TRPC4: variants seen among roughly 807,000 people sequenced by gnomAD.
The protein encoded by TRPC4 is transient receptor potential cation channel subfamily C member 4, also known as short transient receptor potential channel 4.
Under a neutral mutation model 99.4 loss-of-function variants are expected in TRPC4, and 49 were observed. The observed-to-expected ratio is 0.49, with a 90% CI of 0.39 to 0.63. TRPC4 has a LOEUF of 0.63. Ranked by LOEUF, TRPC4 falls within the 20% of genes least tolerant of loss-of-function variation. The pLI is 0.00. For missense variants in TRPC4, 898 were observed against 1,152.9 expected, an observed-to-expected ratio of 0.78 and a Z score of 3.20; for synonymous variants, 454 against 425.9, an observed-to-expected ratio of 1.07 and a Z score of -0.81.
intron 1 of TRPC4, among the ~76,000 whole-genome samples, chr13:37,830,655 T>C (rs868736569): frequency 1.3e-4 from 19 of 151,158 alleles, no homozygotes; most frequent in South Asian, 6.3e-4. Context: ...GAGGTGGCAG[T>C]GAGCCGAGAT....
At chr13:37,856,528 A>G (rs902844756) in intron 1 of TRPC4, among the ~76,000 whole-genome samples, 24 of 151,762 alleles carry the variant, frequency 1.6e-4, no homozygotes, top group African/African-American at 5.8e-4. Context: ...AACTCATTCT[A>G]CAAGGCTAGT....
chr13:37,694,555 T>TA (rs544137884), intron 3 of TRPC4, among the ~76,000 whole-genome samples: 100 of 152,080 alleles, frequency 6.6e-4, no homozygotes, highest in Middle Eastern at 3.4e-3. Context: ...TAAAATTACC[T>TA]AAAAAAAAGC....
rs771284130 is a variant in TRPC4, at chr13:37,637,089, C to G, written c.2748G>C (p.Thr916=). 3.1e-6 allele frequency: 5 copies of G among 1,613,552 alleles called. No individual in the cohort carries two copies. The highest frequency in any genetic ancestry group is 3.3e-4 in the Middle Eastern group (2 of 6,080). ...TTCCTACCTGTAACCCCAGTGTGTC[C>G]GTATTCCTTTCTCTATGGTCTACTA... ...CVLVDHRERN[T]DTLGLQVGKR... is the part of the protein sequence containing the mutation. The change falls in exon 11 of 11, where the codon ACG becomes ACC. Residue 916 remains threonine (T), a synonymous_variant. Transcript: ENST00000379705.
At chr13:37,668,384 C>CT (rs765747515) in intron 5 of TRPC4, among the ~76,000 whole-genome samples, 1 of 152,038 alleles carries the variant, frequency 6.6e-6, no homozygotes, top group Non-Finnish European at 1.5e-5. Flanking sequence ...TGCTGGACAT[C>CT]TAGTAGAGTG....
chr13:37,848,519 C>T (rs746539817), intron 1 of TRPC4, among the ~76,000 whole-genome samples: 5 of 152,022 alleles, frequency 3.3e-5, no homozygotes, highest in Non-Finnish European at 5.9e-5. Flanking sequence ...TGTAAGAGCA[C>T]ATAGATAGAG....
chr13:37,856,981 A>G (rs1959179500), intron 1 of TRPC4, among the ~76,000 whole-genome samples: 1 of 151,634 alleles, frequency 6.6e-6, no homozygotes, highest in Non-Finnish European at 1.5e-5. Context: ...TAAGATCTGG[A>G]ACATGACAAG....
chr13:37,644,865 T>G (rs1162039638), intron 8 of TRPC4, among the ~76,000 whole-genome samples: 1 of 69,588 alleles, frequency 1.4e-5, no homozygotes, highest in Non-Finnish European at 2.5e-5. Context: ...AGAGCGAGAC[T>G]CCATCTCAAA....
At chr13:37,750,447 T>A (rs1955902256) in intron 2 of TRPC4, among the ~76,000 whole-genome samples, 1 of 151,498 alleles carries the variant, frequency 6.6e-6, no homozygotes, top group African/African-American at 2.4e-5. Flanking sequence ...TGCAAATAAC[T>A]TTTTTATTTA....
intron 2 of TRPC4, among the ~76,000 whole-genome samples, chr13:37,762,632 C>T (rs1195886091): frequency 2.7e-5 from 4 of 148,412 alleles, no homozygotes; most frequent in Non-Finnish European, 4.5e-5. Context: ...AAACCAAACA[C>T]CGCATATTCT....
chr13:37,772,404 G>A (rs1281024306), intron 2 of TRPC4, among the ~76,000 whole-genome samples: 1 of 151,580 alleles, frequency 6.6e-6, no homozygotes, highest in African/African-American at 2.4e-5. Flanking sequence ...GGAGGGAAAT[G>A]AAGAATTGCA....
At chr13:37,749,771 A>G (rs982098769) in intron 2 of TRPC4, among the ~76,000 whole-genome samples, 3 of 152,086 alleles carry the variant, frequency 2.0e-5, no homozygotes, top group African/African-American at 4.8e-5. Context: ...GGATATTGCT[A>G]TGACCCCATG....
chr13:37,864,813 TA>T (rs1302194204), intron 1 of TRPC4, among the ~76,000 whole-genome samples: 1 of 151,702 alleles, frequency 6.6e-6, no homozygotes, highest in Non-Finnish European at 1.5e-5. Flanking sequence ...AGGCACTAAC[TA>T]GGCACTAACT....
intron 1 of TRPC4, among the ~76,000 whole-genome samples, chr13:37,833,393 A>G (rs1458552953): frequency 6.6e-6 from 1 of 152,216 alleles, no homozygotes; most frequent in African/African-American, 2.4e-5. Flanking sequence ...GAAAAGTACC[A>G]CAACGACTTT....
intron 3 of TRPC4, among the ~76,000 whole-genome samples, chr13:37,709,483 T>C (rs1255733638): frequency 6.6e-6 from 1 of 152,026 alleles, no homozygotes; most frequent in African/African-American, 2.4e-5. Context: ...CAATTTTATA[T>C]TTGAAACAAA....
At chr13:37,761,982 T>G (rs1956234700) in intron 2 of TRPC4, among the ~76,000 whole-genome samples, 1 of 151,874 alleles carries the variant, frequency 6.6e-6, no homozygotes, top group Non-Finnish European at 1.5e-5. Context: ...GAATAACAAT[T>G]AAATATTATT....
intron 2 of TRPC4, among the ~76,000 whole-genome samples, chr13:37,772,544 C>A (rs1472020967): frequency 3.3e-5 from 5 of 151,760 alleles, no homozygotes; most frequent in Middle Eastern, 6.8e-3. Context: ...TATACACATA[C>A]CCTCTGGTAT....
chr13:37,832,953 A>G (rs1036410104), intron 1 of TRPC4, among the ~76,000 whole-genome samples: 15 of 152,096 alleles, frequency 9.9e-5, no homozygotes, highest in Admixed American at 6.5e-4. Context: ...TACTATGTCT[A>G]TTACTTTGTT....
rs926149304 is a variant in TRPC4 at position 37,633,366 on chromosome 13, T to C, written c.*3537A>G. On this transcript the variant is annotated 3_prime_UTR_variant, in exon 11 of 11. Transcript: ENST00000379705. ...ACACTGAGCATGGAAGGCAGCTGTA[T>C]ACACCATAGAAGACAGCTAAAAATA... 2.0e-5 allele frequency among the ~76,000 whole-genome samples: 3 copies of C among 152,092 alleles called. No homozygotes were observed. Among genetic ancestry groups the C allele is most frequent in the African/African-American group, 7.2e-5 (3 of 41,432 alleles).
At chr13:37,682,226 G>T (rs936420789) in intron 4 of TRPC4, among the ~76,000 whole-genome samples, 1 of 152,184 alleles carries the variant, frequency 6.6e-6, no homozygotes, top group Non-Finnish European at 1.5e-5. Context: ...AAGCCGCAAA[G>T]CTGTCGGGGG....
Sources: allele counts gnomAD v4.1 joint callset (sites outside exome capture counted in the v4.1 genomes callset), GRCh38; gene constraint gnomAD v4.1.1; transcripts MANE v1.5; gene names NCBI Gene and HGNC (gene_info 2026-07-23, HGNC 2026-07-21).